PALLD: variants seen among roughly 807,000 people sequenced by gnomAD.
PALLD encodes palladin.
PALLD carries 61 observed loss-of-function variants against 123.5 expected under a neutral mutation model. The observed-to-expected ratio is 0.49, with a 90% confidence interval of 0.40 to 0.61. PALLD has a LOEUF of 0.61. PALLD is among the 20% of genes least tolerant of loss of function. The pLI is 0.00. For missense variants in PALLD, 1,273 were observed against 1,377.0 expected, an observed-to-expected ratio of 0.92 and a Z score of 1.20; for synonymous variants, 465 against 496.4, an observed-to-expected ratio of 0.94 and a Z score of 0.84.
rs185017709 is a variant in PALLD, at chr4:168,875,169, G to A, written c.1965-15753G>A. ...TGGAAATACATAGTATTTCCAAAAA[G>A]TTCAGTTTCATGTTTTCAGAGAAAA... On this transcript the variant is annotated intron_variant, in intron 10 of 21. Transcript: ENST00000505667. Among the ~76,000 whole-genome samples, 248 of 147,262 alleles carry A rather than the reference G, an allele frequency of 1.7e-3. 1 individual carries two copies. The Middle Eastern group carries it at 0.017, about 10-fold the overall frequency.
chr4:168,899,776 G>T (rs1756056259), intron 14 of PALLD, among the ~76,000 whole-genome samples: 1 of 152,142 alleles, frequency 6.6e-6, no homozygotes, highest in African/African-American at 2.4e-5. Flanking sequence ...AATTAGCTGG[G>T]CATGGTGGTG....
intron 10 of PALLD, among the ~76,000 whole-genome samples, chr4:168,787,960 G>GA (rs1482341413): frequency 6.6e-6 from 1 of 152,172 alleles, no homozygotes; most frequent in Non-Finnish European, 1.5e-5. Context: ...GCAACAGCAG[G>GA]AAAAAAGTCT....
intron 8 of PALLD, among the ~76,000 whole-genome samples, chr4:168,698,649 C>T (rs1445797619): frequency 6.6e-6 from 1 of 152,086 alleles, no homozygotes; most frequent in Non-Finnish European, 1.5e-5. Context: ...CCCAGATTCA[C>T]TCAAGACCTT....
intron 10 of PALLD, among the ~76,000 whole-genome samples, chr4:168,773,762 G>A (rs1270707823): frequency 6.6e-6 from 1 of 152,062 alleles, no homozygotes; most frequent in African/African-American, 2.4e-5. Context: ...GGCATCTGCT[G>A]AGCCCCACCC....
intron 10 of PALLD, among the ~76,000 whole-genome samples, chr4:168,759,515 C>T (rs1187778007): frequency 6.6e-6 from 1 of 151,888 alleles, no homozygotes; most frequent in Non-Finnish European, 1.5e-5. Flanking sequence ...ATCTCTGTAG[C>T]ATTTACCATA....
intron 2 of PALLD, among the ~76,000 whole-genome samples, chr4:168,554,219 T>G (rs13129330): frequency 0.52 from 79,320 of 152,062 alleles, 21,025 homozygotes; most frequent in East Asian, 0.83. Context: ...TATTATTAGG[T>G]CATTCCTTGT....
intron 8 of PALLD, among the ~76,000 whole-genome samples, chr4:168,701,305 C>T (rs932287245): frequency 3.9e-5 from 6 of 152,202 alleles, no homozygotes; most frequent in Non-Finnish European, 7.3e-5. Context: ...CAATGATGTG[C>T]GAGGCACAGA....
chr4:168,531,573 T>C (rs1043470517), intron 2 of PALLD, among the ~76,000 whole-genome samples: 2 of 152,098 alleles, frequency 1.3e-5, no homozygotes, highest in Non-Finnish European at 2.9e-5. Flanking sequence ...CGGAAGAAAA[T>C]TGGCCTAAGA....
chr4:168,523,050 G>T (rs1191956582), intron 2 of PALLD, among the ~76,000 whole-genome samples: 1 of 152,054 alleles, frequency 6.6e-6, no homozygotes, highest in Admixed American at 6.6e-5. Flanking sequence ...ACATGTTGTG[G>T]TCCAAAAAAT....
intron 8 of PALLD, among the ~76,000 whole-genome samples, chr4:168,708,385 G>A (rs1005227518): frequency 4.6e-5 from 7 of 152,136 alleles, no homozygotes; most frequent in African/African-American, 9.6e-5. Flanking sequence ...TCCATTTTAC[G>A]GAGAAGAACA....
Position 168,559,183 on chromosome 4 carries a change from T to G in PALLD, c.908+46771T>G, listed in dbSNP as rs1044227288. Reference sequence around the variant, plus strand: ...TTTAGCCATAACAAGATTTTTACACTGTATTTCCCCCGATGTATCTGCCTT... The same window carrying G: ...TTTAGCCATAACAAGATTTTTACACGGTATTTCCCCCGATGTATCTGCCTT... On this transcript the variant is annotated intron_variant, in intron 2 of 21. Transcript: ENST00000505667. Among the ~76,000 whole-genome samples, 13 of 147,864 alleles carry G rather than the reference T, an allele frequency of 8.8e-5. No individual in the cohort carries two copies. The South Asian group carries it at 1.1e-3, about 13-fold the overall frequency.
intron 2 of PALLD, among the ~76,000 whole-genome samples, chr4:168,561,887 C>CT (rs1246567078): frequency 2.6e-5 from 4 of 152,112 alleles, no homozygotes; most frequent in South Asian, 4.1e-4. Flanking sequence ...AAAAAAAGAG[C>CT]TACCGTGACT....
At chr4:168,560,629 A>G (rs1296967767) in intron 2 of PALLD, among the ~76,000 whole-genome samples, 1 of 152,228 alleles carries the variant, frequency 6.6e-6, no homozygotes, top group East Asian at 1.9e-4. Context: ...CTGTCCCCAT[A>G]GTACCGGTTT....
At position 168,793,712 on chromosome 4, in the gene PALLD, C is replaced by G. The variant is rs114781780; in HGVS notation, c.1964+81789C>G. On this transcript the variant is annotated intron_variant, in intron 10 of 21. Transcript: ENST00000505667. Reference sequence around the variant, plus strand: ...GGACATGTCGAACATCATAAAGATACGCACAGGAAGAGCACAGCCCATCTT... The same window carrying G: ...GGACATGTCGAACATCATAAAGATAGGCACAGGAAGAGCACAGCCCATCTT... 2.0e-5 allele frequency among the ~76,000 whole-genome samples: 3 copies of G among 152,232 alleles called. No individual in the cohort carries two copies. In the South Asian group the frequency reaches 6.2e-4, roughly 32 times the overall value.
chr4:168,753,886 A>G (rs1452666844), intron 10 of PALLD, among the ~76,000 whole-genome samples: 4 of 152,218 alleles, frequency 2.6e-5, no homozygotes, highest in African/African-American at 7.2e-5. Flanking sequence ...GACCACTGCC[A>G]AATTCTTGCC....
chr4:168,904,390 ATT>A (rs1333007550), intron 15 of PALLD: 5 of 160,414 alleles, frequency 3.1e-5, no homozygotes, highest in African/African-American at 1.2e-4. Context: ...TTTTGATAGC[ATT>A]CAGGTTTATC....
At chr4:168,742,614 T>G (rs6811487) in intron 10 of PALLD, among the ~76,000 whole-genome samples, 83,900 of 151,988 alleles carry the variant, frequency 0.55, 23,395 homozygotes, top group East Asian at 0.63. Context: ...TACTAAGTTA[T>G]TAGAACAGTG....
chr4:168,809,393 A>G (rs1043152011), intron 10 of PALLD, among the ~76,000 whole-genome samples: 3 of 151,822 alleles, frequency 2.0e-5, no homozygotes, highest in East Asian at 1.9e-4. Context: ...CTGGAGGGCA[A>G]TGGTTGGAAA....
In PALLD at chr4:168,498,568, ATG is replaced by A. The variant is rs1267308746; in HGVS notation, c.-83+1381_-83+1382del. 5.9e-5 allele frequency among the ~76,000 whole-genome samples: 9 copies of A among 152,318 alleles called. No individual in the cohort carries two copies. In the East Asian group the frequency reaches 1.5e-3, roughly 26 times the overall value. On this transcript the variant is annotated intron_variant, in intron 1 of 21. Coordinates refer to ENST00000505667, the MANE Select transcript of PALLD (RefSeq NM_001166108.2). ...ACAAGAGCTCCACTTCTTAAACAAT[ATG>A]TGTGTGGAGGCTGTCAAAGGGTATT...
Sources: allele counts gnomAD v4.1 joint callset (sites outside exome capture counted in the v4.1 genomes callset), GRCh38; gene constraint gnomAD v4.1.1; transcripts MANE v1.5; gene names NCBI Gene and HGNC (gene_info 2026-07-23, HGNC 2026-07-21).